Variants in SH3RF3 observed in about 807,000 individuals in gnomAD.
SH3RF3 encodes E3 ubiquitin-protein ligase SH3RF3.
In SH3RF3, 29 loss-of-function variants were observed where a neutral mutation model predicts 66.3. The ratio of observed to expected loss-of-function variants is 0.44; its 90% CI spans 0.33 to 0.60. SH3RF3 has a LOEUF of 0.60. Ranked by LOEUF, SH3RF3 falls within the 20% of genes least tolerant of loss-of-function variation. SH3RF3 has a pLI of 0.04. For synonymous variants in SH3RF3, 583 were observed against 532.0 expected (o/e 1.10, Z -1.32); for missense variants, 1,194 against 1,190.9 (o/e 1.00, Z -0.04).
rs186174746 is a variant in SH3RF3 at position 109,151,515 on chromosome 2, G to T, written c.573+21402G>T. On this transcript the variant is annotated intron_variant, in intron 1 of 9. Transcript: ENST00000309415. Reference sequence around the variant, plus strand: ...CGTCACAAATGGTAAAAAGAAATTGGTGAAATTAATTTTAAGAATATATTT... The same window carrying T: ...CGTCACAAATGGTAAAAAGAAATTGTTGAAATTAATTTTAAGAATATATTT... 2.0e-5 allele frequency among the ~76,000 whole-genome samples: 3 copies of T among 152,324 alleles called. No individual in the cohort carries two copies. The East Asian group carries it at 5.8e-4, about 29-fold the overall frequency.
intron 4 of SH3RF3, among the ~76,000 whole-genome samples, chr2:109,406,407 C>T (rs13413017): frequency 0.049 from 7,451 of 152,146 alleles, 335 homozygotes; most frequent in African/African-American, 0.11. Flanking sequence ...TGCCCAGGTC[C>T]ATCACTGAGA....
chr2:109,230,125 AT>A (rs908767405), intron 1 of SH3RF3, among the ~76,000 whole-genome samples: 15 of 148,712 alleles, frequency 1.0e-4, no homozygotes, highest in African/African-American at 1.5e-4. Context: ...CACCTGGCCG[AT>A]TTTTTTTTTC....
intron 4 of SH3RF3, among the ~76,000 whole-genome samples, chr2:109,412,739 G>A (rs924020912): frequency 6.6e-6 from 1 of 152,120 alleles, no homozygotes; most frequent in Non-Finnish European, 1.5e-5. Context: ...GGAAACCATT[G>A]TCACTTGATA....
At chr2:109,347,515 C>T (rs1682737472) in intron 1 of SH3RF3, among the ~76,000 whole-genome samples, 159 bp from the exon 2 acceptor site, 1 of 152,134 alleles carries the variant, frequency 6.6e-6, no homozygotes, top group African/African-American at 2.4e-5. Context: ...GTTCCTGTGA[C>T]AGGCTGTTTC....
chr2:109,264,965 A>G (rs1371041072), intron 1 of SH3RF3, among the ~76,000 whole-genome samples: 1 of 152,168 alleles, frequency 6.6e-6, no homozygotes, highest in Non-Finnish European at 1.5e-5. Flanking sequence ...CAGGGGGACT[A>G]GGGAACATGC....
chr2:109,289,890 A>T (rs562001650), intron 1 of SH3RF3, among the ~76,000 whole-genome samples: 8 of 152,048 alleles, frequency 5.3e-5, no homozygotes, highest in Non-Finnish European at 1.0e-4. Flanking sequence ...GAACCAGAGG[A>T]TTGCTGAGGT....
At chr2:109,433,715 G>A (rs1381680918) in intron 6 of SH3RF3, among the ~76,000 whole-genome samples, 5 of 152,236 alleles carry the variant, frequency 3.3e-5, no homozygotes, top group Non-Finnish European at 5.9e-5. Flanking sequence ...CTTCAGCCAG[G>A]GCCTCTCTCG....
intron 1 of SH3RF3, among the ~76,000 whole-genome samples, chr2:109,179,257 A>T (rs367820713): frequency 2.4e-4 from 37 of 152,236 alleles, no homozygotes; most frequent in Admixed American, 3.9e-4. Context: ...TTATCCTCTG[A>T]TTCTGGAGGT....
chr2:109,307,749 G>A (rs1329897912), intron 1 of SH3RF3, among the ~76,000 whole-genome samples: 10 of 149,288 alleles, frequency 6.7e-5, no homozygotes, highest in Admixed American at 4.0e-4. Flanking sequence ...CAAAGGACAC[G>A]AACTCATCAT....
intron 8 of SH3RF3, among the ~76,000 whole-genome samples, chr2:109,451,616 GTC>G (rs888803996): frequency 6.6e-6 from 1 of 152,246 alleles, no homozygotes; most frequent in African/African-American, 2.4e-5. Flanking sequence ...CACCAGCTGA[GTC>G]TGTTCCTAGC....
chr2:109,239,870 C>A (rs1398260839), intron 1 of SH3RF3, among the ~76,000 whole-genome samples: 1 of 152,186 alleles, frequency 6.6e-6, no homozygotes, highest in African/African-American at 2.4e-5. Flanking sequence ...TCCTTGGAGA[C>A]TTAGAGAAAT....
At chr2:109,496,972 A>G (rs1331659036) in intron 9 of SH3RF3, among the ~76,000 whole-genome samples, 1 of 152,220 alleles carries the variant, frequency 6.6e-6, no homozygotes, top group Non-Finnish European at 1.5e-5. Flanking sequence ...AGAAGCCTCC[A>G]GAGAAGGGAT....
intron 3 of SH3RF3, among the ~76,000 whole-genome samples, chr2:109,384,915 C>T (rs1675786738): frequency 6.6e-6 from 1 of 152,214 alleles, no homozygotes; most frequent in South Asian, 2.1e-4. Context: ...GAACCAGGAA[C>T]CATTTACTTC....
At chr2:109,295,212 G>A (rs1681280372) in intron 1 of SH3RF3, among the ~76,000 whole-genome samples, 1 of 152,234 alleles carries the variant, frequency 6.6e-6, no homozygotes. Flanking sequence ...GCTCATGGCA[G>A]GCATGCAGGC....
rs1008515657 is a variant in SH3RF3 at position 109,266,387 on chromosome 2, C to G, written c.574-81287C>G. On this transcript the variant is annotated intron_variant, in intron 1 of 9. Transcript: ENST00000309415. Reference sequence around the variant, plus strand: ...CTCTGCATCTGACAAGAGGCTGCCCCAAGCAGGAGTGTCCTCCGATACAAC... The same window carrying G: ...CTCTGCATCTGACAAGAGGCTGCCCGAAGCAGGAGTGTCCTCCGATACAAC... 5.3e-5 allele frequency among the ~76,000 whole-genome samples: 8 copies of G among 151,850 alleles called. No homozygotes were observed. The East Asian group carries it at 7.7e-4, about 15-fold the overall frequency.
chr2:109,170,420 A>G (rs557911940), intron 1 of SH3RF3, among the ~76,000 whole-genome samples: 6 of 151,660 alleles, frequency 4.0e-5, no homozygotes, highest in African/African-American at 1.5e-4. Context: ...ATCTCGGCTC[A>G]CTGCAACCTC....
chr2:109,130,401 C>G (rs957735444), intron 1 of SH3RF3, among the ~76,000 whole-genome samples: 1 of 152,234 alleles, frequency 6.6e-6, no homozygotes, highest in Non-Finnish European at 1.5e-5. Context: ...GCCTCTTAAA[C>G]TTAGCATCGC....
chr2:109,427,874 G>A (rs911909622), intron 5 of SH3RF3, among the ~76,000 whole-genome samples: 2 of 152,244 alleles, frequency 1.3e-5, no homozygotes, highest in African/African-American at 2.4e-5. Flanking sequence ...CAGTGCTCCC[G>A]GAGCTGGCCA....
chr2:109,211,226 G>A (rs1678967043), intron 1 of SH3RF3, among the ~76,000 whole-genome samples: 1 of 152,238 alleles, frequency 6.6e-6, no homozygotes, highest in Non-Finnish European at 1.5e-5. Context: ...AAGGCAAGGA[G>A]GCAACCCTGA....
Sources: allele counts gnomAD v4.1 joint callset (sites outside exome capture counted in the v4.1 genomes callset), GRCh38; gene constraint gnomAD v4.1.1; transcripts MANE v1.5; gene names NCBI Gene and HGNC (gene_info 2026-07-23, HGNC 2026-07-21).